COL16A1: variants seen among roughly 807,000 people sequenced by gnomAD.
COL16A1 encodes the protein collagen type XVI alpha 1 chain.
A neutral mutation model predicts 266.3 loss-of-function variants in COL16A1; 189 were observed. That is an observed-to-expected ratio of 0.71 (90% CI 0.63 to 0.80). COL16A1 has a LOEUF of 0.80. Among genes scored for constraint, COL16A1 ranks in the 30% least tolerant of loss-of-function variants. The pLI, the probability that COL16A1 is intolerant of heterozygous loss-of-function variation, is 0.00. For missense variants in COL16A1, 1,928 were observed against 2,122.4 expected, an observed-to-expected ratio of 0.91 and a Z score of 1.80; for synonymous variants, 740 against 782.3, an observed-to-expected ratio of 0.95 and a Z score of 0.90.
In COL16A1 at chr1:31,697,090, T is replaced by C. The variant is rs2148825403; in HGVS notation, c.739-2A>G. On this transcript the variant is annotated splice_acceptor_variant, in intron 7 of 70. Coordinates refer to ENST00000373672, the MANE Select transcript of COL16A1 (RefSeq NM_001856.4). LOFTEE classifies it high-confidence loss of function. This position sits in a 1 kb window ranked among gnomAD's most constrained non-coding sequence, Gnocchi z 4.2. ...GGCCTTGGAGGTCTCTGGGGGGCAC[T>C]GTTTGGTGGAAGAGCGGGGCTAGGG... The C allele has an allele frequency of 6.2e-7, 1 of 1,614,112 alleles. No homozygotes were observed. Among genetic ancestry groups the C allele is most frequent in the East Asian group, 2.2e-5 (1 of 44,884 alleles).
rs1206425803 is a variant in COL16A1, at chr1:31,670,370, A to G, written c.3195+232T>C. ...AGAACGGGGTAAGAGAGAGAAGAGG[A>G]GAGAAAGAACGCAGGAGAGGAGGGA... On this transcript the variant is annotated intron_variant, in intron 49 of 70. Coordinates refer to ENST00000373672, the MANE Select transcript of COL16A1 (RefSeq NM_001856.4). The surrounding 1 kb of genome is among the most constrained non-coding windows in gnomAD (Gnocchi z 4.5). 5 of 453,124 alleles carry G rather than the reference A, an allele frequency of 1.1e-5. No homozygotes were observed. Among genetic ancestry groups the G allele is most frequent in the Non-Finnish European group, 1.9e-5 (5 of 259,228 alleles). The allele number at this position is 453,124 out of a possible 1,614,324, so 28.1% of individuals were successfully genotyped here.
chr1:31,670,568 G>A lies in COL16A1; in HGVS notation c.3195+34C>T, dbSNP rs982313749. The A allele has an allele frequency of 1.1e-5, 15 of 1,356,262 alleles. No individual in the cohort carries two copies. The highest frequency in any genetic ancestry group is 9.3e-5 in the East Asian group (3 of 32,126). 84.0% of individuals were successfully genotyped at this position (1,356,262 alleles called of 1,614,324 possible). On this transcript the variant is annotated intron_variant, in intron 49 of 70. Coordinates refer to ENST00000373672, the MANE Select transcript of COL16A1 (RefSeq NM_001856.4). This position sits in a 1 kb window ranked among gnomAD's most constrained non-coding sequence, Gnocchi z 4.5. ...AAGCCACAGAGACCTGGCTGACGGGGGGGAGGGGAGGTCGAGCAGCGCTAG... is the reference window on the plus strand; with the variant it reads ...AAGCCACAGAGACCTGGCTGACGGGAGGGAGGGGAGGTCGAGCAGCGCTAG...
In COL16A1 at chr1:31,653,932, G is replaced by T; in HGVS notation, c.4469C>A (p.Pro1490Gln). 1 of 1,614,196 alleles carries T rather than the reference G, an allele frequency of 6.2e-7. No homozygotes were observed. Among genetic ancestry groups the T allele is most frequent in the Non-Finnish European group, 8.5e-7 (1 of 1,180,018 alleles). The change falls in exon 69 of 71, where the codon CCA (proline) becomes CAA (glutamine). Residue 1490 changes from proline to glutamine, a missense_variant. By Grantham distance (76) the Pro-to-Gln change is moderately conservative. Around this residue, in one of 2 missense-constraint regions of COL16A1, gnomAD observed 376 missense variants for 485.2 expected, o/e 0.77. Transcript: ENST00000373672. ...KDGAPGRPGA[P>Q]GSPGLPGQIG... is the part of the protein sequence containing the mutation. ...CTGACCAGGGAGCCCAGGTGACCCT[G>T]GAGCACCTGGCCTGCCCGGAGCACC... is the stretch of plus-strand genomic sequence containing the variant.
At chr1:31,673,282 C>T in intron 44 of COL16A1, 1 of 239,436 alleles carries the variant, frequency 4.2e-6, no homozygotes, top group South Asian at 4.8e-5. Flanking sequence ...CCCAGGAGCC[C>T]CTGGGACAGA....
intron 42 of COL16A1, 78 bp downstream of exon 42, chr1:31,679,554 T>G: frequency 1.9e-6 from 3 of 1,613,998 alleles, no homozygotes; most frequent in Non-Finnish European, 2.5e-6. Flanking sequence ...AGCAGCATCC[T>G]TGGGGTCCAG....
intron 48 of COL16A1, among the ~76,000 whole-genome samples, chr1:31,671,339 C>G (rs964755827): frequency 6.6e-6 from 1 of 152,198 alleles, no homozygotes; most frequent in Non-Finnish European, 1.5e-5. Flanking sequence ...CTGTGGAAAG[C>G]GCAGCAGAGG....
intron 4 of COL16A1, 96 bp downstream of exon 4, chr1:31,699,717 C>T: frequency 1.2e-6 from 1 of 824,434 alleles, no homozygotes. Flanking sequence ...CAATGACCCA[C>T]AGACAGGCCC....
In COL16A1 at chr1:31,670,106, T is replaced by C. The variant is rs933544303; in HGVS notation, c.3195+496A>G. On this transcript the variant is annotated intron_variant, in intron 49 of 70. Coordinates refer to ENST00000373672, the MANE Select transcript of COL16A1 (RefSeq NM_001856.4). The surrounding 1 kb of genome is among the most constrained non-coding windows in gnomAD (Gnocchi z 4.5). ...GCAGCAAACCTGTGCCAGCCTGCAA[T>C]GTGAAGCCCTAAAGCTTTGGCATCT... is the stretch of plus-strand genomic sequence containing the variant. 5 of 154,068 alleles carry C rather than the reference T, an allele frequency of 3.2e-5. No individual in the cohort carries two copies. The highest frequency in any genetic ancestry group is 9.6e-5 in the African/African-American group (4 of 41,642). 9.5% of individuals were successfully genotyped at this position (154,068 alleles called of 1,614,324 possible).
At chr1:31,695,816 G>A (rs1644472212) in intron 9 of COL16A1, 29 bp from the exon 10 acceptor site, 1 of 1,606,710 alleles carries the variant, frequency 6.2e-7, no homozygotes, top group East Asian at 2.2e-5. Context: ...GTGTGGGAAT[G>A]GGCAGGGAGC....
In COL16A1 at chr1:31,657,942, C is replaced by T. The variant is rs981330292; in HGVS notation, c.4020+546G>A. Among the ~76,000 whole-genome samples the T allele has an allele frequency of 1.3e-5, 2 of 152,206 alleles. No individual in the cohort carries two copies. Among genetic ancestry groups the T allele is most frequent in the Non-Finnish European group, 2.9e-5 (2 of 68,038 alleles). On this transcript the variant is annotated intron_variant, in intron 64 of 70. Transcript: ENST00000373672. The surrounding 1 kb of genome is among the most constrained non-coding windows in gnomAD (Gnocchi z 6.4). Reference sequence around the variant, plus strand: ...GCAACCTGCCTAACCTTGCGGAGCCCCCGTTTCCTCATCTGTAAAATGGGG... The same window carrying T: ...GCAACCTGCCTAACCTTGCGGAGCCTCCGTTTCCTCATCTGTAAAATGGGG...
At chr1:31,684,733 T>C (rs1273186619) in intron 30 of COL16A1, 88 bp downstream of exon 30, 10 of 1,609,644 alleles carry the variant, frequency 6.2e-6, no homozygotes, top group Admixed American at 3.3e-5. Context: ...GGGCTGAGGG[T>C]TGGGGGCTAG....
chr1:31,683,335 T>C lies in COL16A1; in HGVS notation c.2414A>G (p.Gln805Arg). 3.1e-6 allele frequency: 5 copies of C among 1,614,152 alleles called. No homozygotes were observed. The highest frequency in any genetic ancestry group is 3.4e-6 in the Non-Finnish European group (4 of 1,180,028). The change falls in exon 35 of 71, where the codon CAG becomes CGG. Residue 805 changes from glutamine (Q) to arginine (R), a missense_variant and splice_region_variant. Gln to Arg is a conservative substitution (Grantham distance 43, BLOSUM62 1). Around this residue, in one of 2 missense-constraint regions of COL16A1, gnomAD observed 1,552 missense variants for 1,637.2 expected, o/e 0.95. Coordinates refer to ENST00000373672, the MANE Select transcript of COL16A1 (RefSeq NM_001856.4). ...EPGAPGLPGI[Q>R]GLPGPRGPPG... ...CCTTCAGGACTCAGGCAGACGTACC[T>C]GAATGCCAGGCAAACCCGGGGCTCC...
At chr1:31,694,805 G>C (rs1345222414) in intron 11 of COL16A1, among the ~76,000 whole-genome samples, 3 of 152,200 alleles carry the variant, frequency 2.0e-5, no homozygotes, top group South Asian at 2.1e-4. Flanking sequence ...CCCTTGCCGT[G>C]CTGAGCCAGC....
chr1:31,693,569 T>A (rs1644371708), intron 12 of COL16A1, among the ~76,000 whole-genome samples: 1 of 152,090 alleles, frequency 6.6e-6, no homozygotes, highest in Non-Finnish European at 1.5e-5. Context: ...TCAGAGCAGG[T>A]CATGTCGCCT....
At chr1:31,699,131 AAAC>A (rs144641843) in intron 4 of COL16A1, among the ~76,000 whole-genome samples, 6,003 of 149,684 alleles carry the variant, frequency 0.04, 393 homozygotes, top group African/African-American at 0.13. Context: ...ACAAACAAAC[AAAC>A]AAAAAACCCA....
At chr1:31,658,726 C>T in intron 63 of COL16A1, 149 bp from the exon 64 acceptor site, 1 of 1,030,308 alleles carries the variant, frequency 9.7e-7, no homozygotes, top group Non-Finnish European at 1.5e-6. Flanking sequence ...GAGATGACCT[C>T]CAGCCCTCTC....
intron 44 of COL16A1, among the ~76,000 whole-genome samples, chr1:31,674,431 G>C (rs1643004712): frequency 6.6e-6 from 1 of 152,230 alleles, no homozygotes; most frequent in South Asian, 2.1e-4. Flanking sequence ...GCTCAGTTTG[G>C]GAAGCCGGCC....
chr1:31,655,471 T>G lies in COL16A1; in HGVS notation c.4133A>C (p.Gln1378Pro). Residue 1378 changes from glutamine to proline, a missense_variant, in exon 67 of 71, where the codon CAG becomes CCG. Around this residue, in one of 2 missense-constraint regions of COL16A1, gnomAD observed 376 missense variants for 485.2 expected, o/e 0.77. Coordinates refer to ENST00000373672, the MANE Select transcript of COL16A1 (RefSeq NM_001856.4). ...GCCGGCTCTCCCCTTCTCTCCTGCCTGGCCCTTCTGTCCTGCAGCTCCTGG... is the reference window on the plus strand; with the variant it reads ...GCCGGCTCTCCCCTTCTCTCCTGCCGGGCCCTTCTGTCCTGCAGCTCCTGG... Reference protein sequence around the residue: ...GDPGAAGQKGQAGEKGRAGMP... With the variant: ...GDPGAAGQKGPAGEKGRAGMP... 2.5e-6 allele frequency: 4 copies of G among 1,614,162 alleles called. No individual in the cohort carries two copies. The highest frequency in any genetic ancestry group is 3.4e-6 in the Non-Finnish European group (4 of 1,180,008).
intron 11 of COL16A1, 90 bp from the exon 12 acceptor site, chr1:31,694,260 C>T: frequency 9.9e-6 from 11 of 1,107,442 alleles, no homozygotes; most frequent in Non-Finnish European, 1.4e-5. Flanking sequence ...CAGGGTCACA[C>T]AGCATGGTAG....
Sources: allele counts gnomAD v4.1 joint callset (sites outside exome capture counted in the v4.1 genomes callset), GRCh38; gene constraint gnomAD v4.1.1; regional missense constraint gnomAD v4.1.1; non-coding constraint Gnocchi (gnomAD v3.1); transcripts MANE v1.5; gene names NCBI Gene and HGNC (gene_info 2026-07-23, HGNC 2026-07-21).